EPHA6: variants seen among roughly 807,000 people sequenced by gnomAD.
The protein encoded by EPHA6 is ephrin type-A receptor 6.
A neutral mutation model predicts 112.0 loss-of-function variants in EPHA6; 50 were observed. That is an observed-to-expected ratio of 0.45 (90% CI 0.36 to 0.56). The LOEUF is 0.56. Among genes scored for constraint, EPHA6 ranks in the 20% least tolerant of loss-of-function variants. The probability of loss-of-function intolerance (pLI) is 0.00; values close to 1 mark genes in which losing one functional copy is unlikely to be tolerated. For missense variants in EPHA6, 1,280 were observed against 1,417.4 expected (o/e 0.90, Z 1.56); for synonymous variants, 529 against 490.7 (o/e 1.08, Z -1.03).
At chr3:97,168,575 GTC>G (rs200247205) in intron 3 of EPHA6, among the ~76,000 whole-genome samples, 91 of 144,140 alleles carry the variant, frequency 6.3e-4, no homozygotes, top group Admixed American at 1.0e-3. Context: ...CTTTCTCTCT[GTC>G]TCTCTCTCTC....
rs185704993 is a variant in EPHA6 at position 97,221,607 on chromosome 3, C to G, written c.1115-4657C>G. Among the ~76,000 whole-genome samples the G allele has an allele frequency of 2.0e-5, 3 of 152,142 alleles. No individual in the cohort carries two copies. In the East Asian group the frequency reaches 5.8e-4, roughly 29 times the overall value. The stretch of plus-strand genomic sequence containing the variant: ...TCTCAAGACATGAGTACTGATACCC[C>G]ATTTATAACCCAATTCTAACAAAAC... On this transcript the variant is annotated intron_variant, in intron 3 of 17. Coordinates refer to ENST00000389672, the MANE Select transcript of EPHA6 (RefSeq NM_001080448.3).
chr3:97,232,783 A>G (rs1015534111), intron 4 of EPHA6, among the ~76,000 whole-genome samples: 10 of 152,136 alleles, frequency 6.6e-5, no homozygotes, highest in African/African-American at 2.4e-4. Context: ...GGTTATATAC[A>G]TTGGCATGGT....
chr3:96,815,046 G>A, intron 1 of EPHA6, 38 bp downstream of exon 1: 1 of 1,468,374 alleles, frequency 6.8e-7, no homozygotes, highest in South Asian at 1.4e-5. Flanking sequence ...TGGGTGGGAG[G>A]AGGAGGGTGC....
chr3:96,856,368 T>A (rs2035698807), intron 1 of EPHA6, among the ~76,000 whole-genome samples: 1 of 152,148 alleles, frequency 6.6e-6, no homozygotes, highest in Non-Finnish European at 1.5e-5. Flanking sequence ...ATTGTCCTTA[T>A]TTGAAAATAA....
intron 17 of EPHA6, 26 bp downstream of exon 17, chr3:97,747,598 T>C (rs2035771248): frequency 6.4e-7 from 1 of 1,557,270 alleles, no homozygotes; most frequent in South Asian, 1.2e-5. Flanking sequence ...TTTATTACTG[T>C]AACGAGATGT....
chr3:96,950,508 A>G (rs1414974561), intron 2 of EPHA6, among the ~76,000 whole-genome samples: 2 of 152,158 alleles, frequency 1.3e-5, no homozygotes, highest in South Asian at 2.1e-4. Context: ...CAGTTATAAT[A>G]TATTAGTTCA....
intron 2 of EPHA6, among the ~76,000 whole-genome samples, chr3:96,950,555 C>T (rs2041484238): frequency 6.6e-6 from 1 of 151,896 alleles, no homozygotes; most frequent in South Asian, 2.1e-4. Context: ...AAAGTTGAAC[C>T]AATGAAACAA....
intron 3 of EPHA6, among the ~76,000 whole-genome samples, chr3:97,188,098 G>T (rs1276513437): frequency 2.0e-5 from 3 of 152,104 alleles, no homozygotes; most frequent in Non-Finnish European, 4.4e-5. Flanking sequence ...TGGAGTTTAT[G>T]ATCCAGAAGT....
intron 3 of EPHA6, among the ~76,000 whole-genome samples, chr3:96,990,965 C>T (rs539315361): frequency 7.3e-5 from 11 of 151,110 alleles, no homozygotes; most frequent in African/African-American, 2.5e-4. Flanking sequence ...CTTGTCTATT[C>T]TGTGTAAACA....
chr3:97,255,350 G>T (rs553655423), intron 5 of EPHA6, among the ~76,000 whole-genome samples: 5 of 152,162 alleles, frequency 3.3e-5, no homozygotes, highest in Admixed American at 3.3e-4. Context: ...AACAGTAATG[G>T]TTCCTCCAGG....
chr3:97,170,208 G>A (rs893826120), intron 3 of EPHA6, among the ~76,000 whole-genome samples: 1 of 151,960 alleles, frequency 6.6e-6, no homozygotes, highest in South Asian at 2.1e-4. Context: ...AATTGAGGAG[G>A]GGAACTTAAA....
intron 3 of EPHA6, among the ~76,000 whole-genome samples, chr3:96,996,251 A>G (rs1429148414): frequency 6.6e-6 from 1 of 151,976 alleles, no homozygotes; most frequent in Non-Finnish European, 1.5e-5. Flanking sequence ...CTCTTGCTAT[A>G]TCCACAACAT....
At chr3:97,700,853 T>C (rs2033341873) in intron 14 of EPHA6, among the ~76,000 whole-genome samples, 1 of 152,208 alleles carries the variant, frequency 6.6e-6, no homozygotes, top group African/African-American at 2.4e-5. Context: ...ATGTGGTTTT[T>C]CAGAGCCAGC....
chr3:97,228,647 A>AT (rs1018048197), intron 4 of EPHA6, among the ~76,000 whole-genome samples: 2 of 151,844 alleles, frequency 1.3e-5, no homozygotes, highest in East Asian at 1.9e-4. Context: ...CTGGTTCAAC[A>AT]TTTTTTTGCA....
At position 97,243,985 on chromosome 3, in the gene EPHA6, A is replaced by G. The variant is rs1282972413; in HGVS notation, c.1304A>G (p.Asn435Ser). Residue 435 changes from asparagine (N) to serine (S), a missense_variant, in exon 5 of 18, where the codon AAC becomes AGC. Physicochemically the swap from Asn to Ser is conservative, Grantham distance 46. Around this residue, in one of 4 missense-constraint regions of EPHA6, gnomAD observed 878 missense variants for 999.7 expected, o/e 0.88. Transcript: ENST00000389672. ...TCAGCTCCTAGGAATGTGGTTTTTA[A>G]CATCAATGAAACAGCCCTTATTTTG... ...PPSAPRNVVF[N>S]INETALILEW... The G allele has an allele frequency of 6.2e-7, 1 of 1,611,268 alleles. No homozygotes were observed. Among genetic ancestry groups the G allele is most frequent in the East Asian group, 2.2e-5 (1 of 44,800 alleles).
At chr3:97,244,871 T>C (rs1283908131) in intron 5 of EPHA6, among the ~76,000 whole-genome samples, 3 of 152,024 alleles carry the variant, frequency 2.0e-5, no homozygotes, top group Non-Finnish European at 4.4e-5. Context: ...CTTTATAACA[T>C]CATAGATTTT....
chr3:97,748,514 T>G lies in EPHA6; in HGVS notation c.3279-73T>G, dbSNP rs2035806307. ...TTATTAGATCTGAATGTTCATATTC[T>G]GTATCTCTCTCTCTCTCTCTCTCTT... On this transcript the variant is annotated intron_variant, in intron 17 of 17. Coordinates refer to ENST00000389672, the MANE Select transcript of EPHA6 (RefSeq NM_001080448.3). 6 of 736,048 alleles carry G rather than the reference T, an allele frequency of 8.2e-6. No individual in the cohort carries two copies. In the East Asian group the frequency reaches 1.7e-4, roughly 21 times the overall value. The allele number at this position is 736,048 out of a possible 1,614,324, so 45.6% of individuals were successfully genotyped here. A position where few individuals can be genotyped will look rare whatever the true frequency, so the allele number is the denominator to read the frequency against.
chr3:97,597,346 C>T (rs2093603335), intron 12 of EPHA6, among the ~76,000 whole-genome samples: 1 of 152,176 alleles, frequency 6.6e-6, no homozygotes, highest in Non-Finnish European at 1.5e-5. Flanking sequence ...TAGCGTGAGA[C>T]TTCCTGTCTG....
At chr3:96,892,983 CGTGTGTGT>C (rs373852168) in intron 2 of EPHA6, among the ~76,000 whole-genome samples, 1 of 125,646 alleles carries the variant, frequency 8.0e-6, no homozygotes, top group Non-Finnish European at 1.6e-5. Context: ...TGTGTGTGTT[CGTGTGTGT>C]GTGTGTGCGC....
Sources: gnomAD v4.1 joint callset for allele counts (sites outside exome capture counted in the v4.1 genomes callset) on GRCh38, gnomAD v4.1.1 for gene constraint, gnomAD v4.1.1 regional missense constraint, MANE v1.5 for transcripts, NCBI Gene and HGNC (gene_info 2026-07-23, HGNC 2026-07-21) for gene names.